Variants in ANKRD26 observed in about 807,000 individuals in gnomAD.
ANKRD26 encodes the protein ankyrin repeat domain 26, also known as ankyrin repeat domain-containing protein 26.
In ANKRD26, 141 loss-of-function variants were observed where a neutral mutation model predicts 208.7. The observed-to-expected ratio is 0.68, with a 90% CI of 0.59 to 0.78. The LOEUF (loss-of-function observed/expected upper bound fraction) is 0.78. Among genes scored for constraint, ANKRD26 ranks in the 30% least tolerant of loss-of-function variants. The pLI, the probability that ANKRD26 is intolerant of heterozygous loss-of-function variation, is 0.00. For missense variants in ANKRD26, 1,889 were observed against 1,938.7 expected (o/e 0.97, Z 0.48); for synonymous variants, 636 against 660.4 (o/e 0.96, Z 0.57).
At chr10:27,062,367 A>C (rs1373779940) in intron 12 of ANKRD26, 1 of 395,348 alleles carries the variant, frequency 2.5e-6, no homozygotes, top group Non-Finnish European at 3.4e-6. Context: ...TTTCTCAAAA[A>C]GGAAGTCTAT....
intron 20 of ANKRD26, among the ~76,000 whole-genome samples, chr10:27,042,554 C>T (rs1417598082): frequency 6.6e-6 from 1 of 152,034 alleles, no homozygotes; most frequent in South Asian, 2.1e-4. Flanking sequence ...GCAATTGAGA[C>T]CATCCTGGCT....
In ANKRD26 at chr10:27,067,226, C is replaced by A. The variant is rs1365398467; in HGVS notation, c.1138G>T (p.Ala380Ser). The change falls in exon 10 of 34, where the codon GCT (alanine) becomes TCT (serine). Residue 380 changes from alanine to serine, a missense_variant. Physicochemically the swap from Ala to Ser is moderately conservative, Grantham distance 99. Transcript: ENST00000376087. ...KENGIDIIES[A>S]PLEQTNNDNL... ...TCATTATTTGTTTGCTCTAGTGGAGCACTTTCAATAATATCAATACCATTT... is the reference window on the plus strand; with the variant it reads ...TCATTATTTGTTTGCTCTAGTGGAGAACTTTCAATAATATCAATACCATTT... 1 of 1,613,744 alleles carries A rather than the reference C, an allele frequency of 6.2e-7. No individual in the cohort carries two copies. Among genetic ancestry groups the A allele is most frequent in the Non-Finnish European group, 8.5e-7 (1 of 1,179,808 alleles).
At chr10:27,013,362 A>G (rs1398743621) in intron 31 of ANKRD26, among the ~76,000 whole-genome samples, 3 of 152,202 alleles carry the variant, frequency 2.0e-5, no homozygotes, top group Non-Finnish European at 2.9e-5. Context: ...AGGGAAGGGA[A>G]GAAAATGGCT....
chr10:27,026,203 G>A (rs1351291590), intron 27 of ANKRD26, among the ~76,000 whole-genome samples: 1 of 152,138 alleles, frequency 6.6e-6, no homozygotes, highest in African/African-American at 2.4e-5. Flanking sequence ...TTAAATTTTT[G>A]ATTCACAGTG....
chr10:27,084,809 C>T (rs2056054854), intron 5 of ANKRD26, among the ~76,000 whole-genome samples: 1 of 148,498 alleles, frequency 6.7e-6, no homozygotes, highest in African/African-American at 2.5e-5. Flanking sequence ...GCGGATGTTG[C>T]AGTGAGCCGA....
At chr10:26,992,467 CGT>C (rs367740563) in intron 5 of ANKRD26, among the ~76,000 whole-genome samples, 2 of 124,268 alleles carry the variant, frequency 1.6e-5, no homozygotes, top group Admixed American at 9.3e-5. Context: ...AATACACACA[CGT>C]ACACACACAC....
chr10:27,064,363 G>A lies in ANKRD26; in HGVS notation c.1270-282C>T, dbSNP rs549250548. 9.2e-5 allele frequency among the ~76,000 whole-genome samples: 14 copies of A among 152,006 alleles called. No individual in the cohort carries two copies. The South Asian group carries it at 1.0e-3, about 11-fold the overall frequency. ...ATTAACAGACAAAATATTAACTTAC[G>A]CGCACAGTTCAACAAGGAACTAATA... On this transcript the variant is annotated intron_variant, in intron 11 of 33. Transcript: ENST00000376087.
chr10:27,081,729 C>T (rs1589356924), intron 6 of ANKRD26, among the ~76,000 whole-genome samples: 1 of 151,844 alleles, frequency 6.6e-6, no homozygotes, highest in Admixed American at 6.6e-5. Context: ...TATAAATATT[C>T]CATGGAATAC....
intron 21 of ANKRD26, among the ~76,000 whole-genome samples, chr10:27,038,889 C>G (rs543291406): frequency 3.3e-5 from 5 of 152,086 alleles, no homozygotes; most frequent in African/African-American, 1.2e-4. Flanking sequence ...ATTAGGCTAA[C>G]GAGCCTAATA....
At chr10:27,087,623 T>C (rs558353466) in intron 4 of ANKRD26, among the ~76,000 whole-genome samples, 6 of 152,302 alleles carry the variant, frequency 3.9e-5, no homozygotes, top group African/African-American at 9.6e-5. Flanking sequence ...CCCTTATTAC[T>C]GAACTAACTG....
the ANKRD26 span, among the ~76,000 whole-genome samples, chr10:26,955,624 T>C: frequency 6.6e-6 from 1 of 152,180 alleles, no homozygotes; most frequent in Non-Finnish European, 1.5e-5. Flanking sequence ...AACAGTTCCA[T>C]GTACTGTCCT....
chr10:26,952,605 T>C, the ANKRD26 span, among the ~76,000 whole-genome samples: 2 of 152,136 alleles, frequency 1.3e-5, no homozygotes, highest in African/African-American at 4.8e-5. Flanking sequence ...CACACCAGCA[T>C]AGGCGACAAA....
intron 1 of ANKRD26, among the ~76,000 whole-genome samples, chr10:27,095,179 T>G (rs991047824): frequency 6.6e-6 from 1 of 151,756 alleles, no homozygotes; most frequent in South Asian, 2.1e-4. Context: ...TAATTCTTAT[T>G]GTGTTTTCAA....
chr10:26,997,332 G>A (rs561245175), intron 4 of ANKRD26, among the ~76,000 whole-genome samples: 1 of 152,288 alleles, frequency 6.6e-6, no homozygotes, highest in South Asian at 2.1e-4. Context: ...TAACAGATAT[G>A]GCTGCTCCTG....
chr10:26,961,812 T>C, the ANKRD26 span, among the ~76,000 whole-genome samples: 2 of 152,338 alleles, frequency 1.3e-5, no homozygotes, highest in Non-Finnish European at 2.9e-5. Flanking sequence ...TCCATAACCA[T>C]TGTTATCTCT....
At position 27,077,558 on chromosome 10, in the gene ANKRD26, TAAAGA is replaced by T. The variant is rs925069053; in HGVS notation, c.875-23_875-19del. The T allele has an allele frequency of 1.2e-6, 2 of 1,612,210 alleles. No individual in the cohort carries two copies. Among genetic ancestry groups the T allele is most frequent in the African/African-American group, 2.7e-5 (2 of 74,824 alleles). The stretch of plus-strand genomic sequence containing the variant: ...TGCTTCTACTACAGTAAAAACAAAA[TAAAGA>T]GTAAATGAAAATATATGTAATTAAG... On this transcript the variant is annotated intron_variant, in intron 8 of 33. Transcript: ENST00000376087.
At chr10:27,078,950 C>A (rs1010626489) in intron 7 of ANKRD26, 139 bp downstream of exon 7, 45 of 457,858 alleles carry the variant, frequency 9.8e-5, no homozygotes, top group Non-Finnish European at 1.5e-4. Context: ...GGCCATATTT[C>A]TATAAAATGG....
chr10:27,051,886 C>A lies in ANKRD26; in HGVS notation c.1635+1434G>T, dbSNP rs984079218. 9.1e-6 allele frequency: 9 copies of A among 985,226 alleles called. No individual in the cohort carries two copies. The African/African-American group carries it at 1.6e-4, about 17-fold the overall frequency. 61.0% of individuals were successfully genotyped at this position (985,226 alleles called of 1,614,324 possible). A position where few individuals can be genotyped will look rare whatever the true frequency, so the allele number is the denominator to read the frequency against. ...ATTTTGTATTTTTCACAAGTTTCAC[C>A]ACAGCTCTGCTTTAACTCATTTGTG... On this transcript the variant is annotated intron_variant, in intron 16 of 33. Transcript: ENST00000376087.
Position 27,061,126 on chromosome 10 carries a change from C to G in ANKRD26, c.1462+18G>C, listed in dbSNP as rs552753256. 1.3e-6 allele frequency: 2 copies of G among 1,524,386 alleles called. No homozygotes were observed. The highest frequency in any genetic ancestry group is 2.3e-5 in the East Asian group (1 of 44,318). 94.4% of individuals were successfully genotyped at this position (1,524,386 alleles called of 1,614,324 possible). Reference sequence around the variant, plus strand: ...TGTAGAATAACAGTTAACAAAAATACGCATTTTTTTTCCATACCCATGTGG... The same window carrying G: ...TGTAGAATAACAGTTAACAAAAATAGGCATTTTTTTTCCATACCCATGTGG... On this transcript the variant is annotated intron_variant, in intron 13 of 33. Transcript: ENST00000376087.
Sources: allele counts gnomAD v4.1 joint callset (sites outside exome capture counted in the v4.1 genomes callset), GRCh38; gene constraint gnomAD v4.1.1; transcripts MANE v1.5; gene names NCBI Gene and HGNC (gene_info 2026-07-23, HGNC 2026-07-21).